Variants in KANK4 observed in about 807,000 individuals in gnomAD.
KANK4 encodes the protein KN motif and ankyrin repeat domains 4.
In KANK4, 50 loss-of-function variants were observed where a neutral mutation model predicts 80.8. That is an observed-to-expected ratio of 0.62 (90% CI 0.49 to 0.78). The LOEUF is 0.78. Among genes scored for constraint, KANK4 ranks in the 30% least tolerant of loss-of-function variants. The probability of loss-of-function intolerance (pLI) is 0.00; values close to 1 mark genes in which losing one functional copy is unlikely to be tolerated. For synonymous variants in KANK4, 465 were observed against 506.9 expected (o/e 0.92, Z 1.11); for missense variants, 1,196 against 1,240.1 (o/e 0.96, Z 0.53).
At chr1:62,305,280 C>A (rs1417198994) in intron 1 of KANK4, among the ~76,000 whole-genome samples, 2 of 151,868 alleles carry the variant, frequency 1.3e-5, no homozygotes, top group Non-Finnish European at 2.9e-5. Flanking sequence ...AAACAAAACC[C>A]GAATGCAGCT....
chr1:62,253,291 T>C (rs1378360501), intron 7 of KANK4, 82 bp from the exon 8 acceptor site: 10 of 1,357,974 alleles, frequency 7.4e-6, no homozygotes, highest in Non-Finnish European at 8.9e-6. Context: ...AATGGGACAC[T>C]GCTCGCTGGT....
intron 2 of KANK4, among the ~76,000 whole-genome samples, chr1:62,275,878 A>C (rs1200882529): frequency 7.6e-6 from 1 of 132,360 alleles, no homozygotes; most frequent in Non-Finnish European, 1.6e-5. Context: ...GGGAGGAAGG[A>C]AGGGAGGAAG....
chr1:62,264,611 C>T (rs1249196540), intron 6 of KANK4, among the ~76,000 whole-genome samples: 1 of 152,120 alleles, frequency 6.6e-6, no homozygotes, highest in African/African-American at 2.4e-5. Flanking sequence ...GCAAGGGAGA[C>T]AGTATCCGGT....
Position 62,238,280 on chromosome 1 carries a change from C to T in KANK4, c.2985G>A (p.Leu995=), listed in dbSNP as rs144097182. 6.2e-6 allele frequency: 10 copies of T among 1,611,520 alleles called. No homozygotes were observed. In the African/African-American group the frequency reaches 6.7e-5, roughly 11 times the overall value. The part of the protein sequence containing the change: ...AHAEQGRSLG[L] ...ACGGCCAGTTCTTCTGCAGCCCCTA[C>T]AGCCCCAGGGACCTGCCCTGCTCCG... Residue 995 remains leucine, a synonymous_variant, in exon 10 of 10, where the codon CTG becomes CTA. Coordinates refer to ENST00000371153, the MANE Select transcript of KANK4 (RefSeq NM_181712.5).
At chr1:62,246,531 A>G (rs1671469922) in intron 9 of KANK4, among the ~76,000 whole-genome samples, 2 of 152,128 alleles carry the variant, frequency 1.3e-5, no homozygotes, top group Admixed American at 6.6e-5. Flanking sequence ...GTGTTGTGAA[A>G]GGTCAGGGTT....
At chr1:62,247,965 A>C (rs992109192) in intron 8 of KANK4, among the ~76,000 whole-genome samples, 1 of 152,056 alleles carries the variant, frequency 6.6e-6, no homozygotes, top group African/African-American at 2.4e-5. Flanking sequence ...ACGGATTGTG[A>C]CATTGTTGAC....
intron 8 of KANK4, among the ~76,000 whole-genome samples, 192 bp downstream of exon 8, chr1:62,252,875 G>A (rs182626761): frequency 5.3e-5 from 8 of 152,378 alleles, no homozygotes; most frequent in Admixed American, 3.3e-4. Flanking sequence ...AGCTGTGCAA[G>A]CTCCTGGCTG....
intron 5 of KANK4, 130 bp from the exon 6 acceptor site, chr1:62,266,949 G>C: frequency 1.7e-6 from 1 of 599,152 alleles, no homozygotes; most frequent in South Asian, 2.2e-5. Context: ...CCCTAGGAGA[G>C]GGTGAGCTTC....
At chr1:62,304,709 G>A (rs182191498) in intron 1 of KANK4, among the ~76,000 whole-genome samples, 5 of 151,802 alleles carry the variant, frequency 3.3e-5, no homozygotes, top group South Asian at 2.1e-4. Context: ...CCGATTACCC[G>A]CCCCCTCGCC....
At chr1:62,276,494 G>A (rs1327985414) in intron 2 of KANK4, among the ~76,000 whole-genome samples, 3 of 152,138 alleles carry the variant, frequency 2.0e-5, no homozygotes, top group African/African-American at 4.8e-5. Context: ...TTGTGAGGAC[G>A]GTCGGGTGCG....
chr1:62,299,703 A>G, intron 1 of KANK4, among the ~76,000 whole-genome samples: 1 of 150,720 alleles, frequency 6.6e-6, no homozygotes. Flanking sequence ...GCTGCCTCAT[A>G]AAGATGTAGC....
Position 62,271,454 on chromosome 1 carries a change from C to G in KANK4, c.2012+24G>C, listed in dbSNP as rs201305433. The G allele has an allele frequency of 1.6e-4, 246 of 1,497,780 alleles. 1 individual carries two copies. In the East Asian group the frequency reaches 4.7e-3, roughly 29 times the overall value. 92.8% of individuals were successfully genotyped at this position (1,497,780 alleles called of 1,614,324 possible). On this transcript the variant is annotated intron_variant, in intron 4 of 9. Transcript: ENST00000371153. Reference sequence around the variant, plus strand: ...CAGGAGAGGTAGCAAGAAAGGCAGTCTGAGCTTCACAAGCGATGCTTACCC... The same window carrying G: ...CAGGAGAGGTAGCAAGAAAGGCAGTGTGAGCTTCACAAGCGATGCTTACCC...
chr1:62,312,128 T>C (rs1644502491), intron 1 of KANK4, among the ~76,000 whole-genome samples: 1 of 152,124 alleles, frequency 6.6e-6, no homozygotes, highest in Admixed American at 6.5e-5. Context: ...TGAAATATAA[T>C]TAATAAAATT....
In KANK4 at chr1:62,268,360, T is replaced by G; in HGVS notation, c.2158A>C (p.Ile720Leu). Residue 720 changes from isoleucine to leucine, a missense_variant, in exon 5 of 10, where the codon ATC becomes CTC. Ile to Leu is a conservative substitution (Grantham distance 5, BLOSUM62 2). Around this residue, in one of 3 missense-constraint regions of KANK4, gnomAD observed 1,154 missense variants for 1,179.6 expected, o/e 0.98. Transcript: ENST00000371153. ...AHLTCEAGQG[I>L]PEGTCHAAQE... The stretch of plus-strand genomic sequence containing the variant: ...GCAGCATGGCAGGTGCCCTCAGGGA[T>G]GCCCTGCCCAGCCTCGCAGGTGAGA... The G allele has an allele frequency of 6.2e-7, 1 of 1,614,086 alleles. No individual in the cohort carries two copies. Among genetic ancestry groups the G allele is most frequent in the Non-Finnish European group, 8.5e-7 (1 of 1,179,992 alleles).
chr1:62,292,389 T>A (rs755579195), intron 1 of KANK4, among the ~76,000 whole-genome samples: 7 of 152,164 alleles, frequency 4.6e-5, no homozygotes, highest in African/African-American at 9.7e-5. Flanking sequence ...TCTAAGCCTC[T>A]CCTTCAAGGT....
At chr1:62,295,003 TAAGAA>T (rs1256014122) in intron 1 of KANK4, among the ~76,000 whole-genome samples, 4 of 152,266 alleles carry the variant, frequency 2.6e-5, no homozygotes, top group African/African-American at 9.6e-5. Context: ...GCAAAGTTAC[TAAGAA>T]AAGGCATTGC....
chr1:62,255,932 G>A (rs186776850), intron 7 of KANK4, among the ~76,000 whole-genome samples: 10 of 152,304 alleles, frequency 6.6e-5, no homozygotes, highest in Admixed American at 5.2e-4. Context: ...TTACAGGCCC[G>A]AGTCACTATG....
At position 62,304,650 on chromosome 1, in the gene KANK4, A is replaced by G. The variant is rs1404818359; in HGVS notation, c.-71+14456T>C. Among the ~76,000 whole-genome samples the G allele has an allele frequency of 2.6e-5, 4 of 152,046 alleles. 1 individual carries two copies. Among genetic ancestry groups the G allele is most frequent in the Admixed American group, 2.6e-4 (4 of 15,262 alleles). ...CAGTCTCTTTAGGACACTAAGCCCA[A>G]CAACCTCATGCATTCCAAAAAGCCT... On this transcript the variant is annotated intron_variant, in intron 1 of 9. Transcript: ENST00000371153.
rs11449212 is a variant in KANK4, at chr1:62,236,593, ATTTTTTTTTTTT to A, written c.*1672_*1683del. On this transcript the variant is annotated 3_prime_UTR_variant, in exon 10 of 10. Coordinates refer to ENST00000371153, the MANE Select transcript of KANK4 (RefSeq NM_181712.5). Reference sequence around the variant, plus strand: ...ATGGCCTTAATGGGTTACAAATTGGATTTTTTTTTTTTTTTTTTTTGAGACAGAGTTTTGCTC... The same window carrying A: ...ATGGCCTTAATGGGTTACAAATTGGATTTTTTTTGAGACAGAGTTTTGCTC... Among the ~76,000 whole-genome samples, 1 of 124,414 alleles carries A rather than the reference ATTTTTTTTTTTT, an allele frequency of 8.0e-6. No individual in the cohort carries two copies. The highest frequency in any genetic ancestry group is 1.6e-5 in the Non-Finnish European group (1 of 61,908). The allele number at this position is 124,414 out of a possible 152,430, so 81.6% of individuals were successfully genotyped here.
Sources: gnomAD v4.1 joint callset for allele counts (sites outside exome capture counted in the v4.1 genomes callset) on GRCh38, gnomAD v4.1.1 for gene constraint, gnomAD v4.1.1 regional missense constraint, MANE v1.5 for transcripts, NCBI Gene and HGNC (gene_info 2026-07-23, HGNC 2026-07-21) for gene names.